The following ARPIN variants were observed in gnomAD, a reference collection of about 807,000 sequenced individuals.
ARPIN encodes the protein actin related protein 2/3 complex inhibitor, also known as UPF0552 protein C15orf38.
ARPIN carries 23 observed loss-of-function variants against 25.9 expected under a neutral mutation model. The observed-to-expected ratio is 0.89, with a 90% CI of 0.64 to 1.26. The LOEUF (loss-of-function observed/expected upper bound fraction) is 1.26. Among genes scored for constraint, ARPIN ranks in the 50% most tolerant of loss-of-function variants. The pLI is 0.00. For missense variants in ARPIN, 333 were observed against 312.2 expected, an observed-to-expected ratio of 1.07 and a Z score of -0.50; for synonymous variants, 126 against 131.4, an observed-to-expected ratio of 0.96 and a Z score of 0.28.
intron 2 of ARPIN, among the ~76,000 whole-genome samples, chr15:89,910,202 C>T (rs928212310): frequency 1.3e-5 from 2 of 152,056 alleles, no homozygotes; most frequent in African/African-American, 2.4e-5. Context: ...AGACCAAGCT[C>T]AGTTATAGAG....
Position 89,896,875 on chromosome 15 carries a change from A to T in ARPIN, c.*4920T>A, listed in dbSNP as rs181868627. ...CATTTTAAAAATGTTTTCATACCCA[A>T]TTCTCACAAGGGCAGCATAAAAATG... On this transcript the variant is annotated 3_prime_UTR_variant, in exon 6 of 6. Transcript: ENST00000357484. 6.6e-6 allele frequency: 1 copy of T among 152,198 alleles called. No individual in the cohort carries two copies. The highest frequency in any genetic ancestry group is 1.5e-5 in the Non-Finnish European group (1 of 68,042). 9.4% of individuals were successfully genotyped at this position (152,198 alleles called of 1,614,324 possible).
chr15:89,912,893 C>A lies in ARPIN; in HGVS notation c.-58G>T. 1.4e-6 allele frequency: 2 copies of A among 1,462,160 alleles called. No individual in the cohort carries two copies. The highest frequency in any genetic ancestry group is 2.6e-5 in the Admixed American group (1 of 38,338). The allele number at this position is 1,462,160 out of a possible 1,614,324, so 90.6% of individuals were successfully genotyped here. On this transcript the variant is annotated 5_prime_UTR_variant, in exon 1 of 6. Transcript: ENST00000357484. ...CCGGCGCACTGGGCTGGGGGCGCGG[C>A]GCGGGAAGTGCTGCAGGACGCGCGG...
At chr15:89,905,030 T>C (rs1192179730) in intron 3 of ARPIN, among the ~76,000 whole-genome samples, 1 of 151,742 alleles carries the variant, frequency 6.6e-6, no homozygotes, top group Non-Finnish European at 1.5e-5. Flanking sequence ...AACCCTTTTT[T>C]TTTTTTTTTG....
chr15:89,904,054 C>G, intron 3 of ARPIN, 71 bp from the exon 4 acceptor site: 1 of 1,513,758 alleles, frequency 6.6e-7, no homozygotes, highest in Non-Finnish European at 8.9e-7. Flanking sequence ...CTCTCAGGAG[C>G]CAGGTGAGGG....
At chr15:89,909,281 G>A (rs113495195) in intron 2 of ARPIN, among the ~76,000 whole-genome samples, 2,203 of 152,034 alleles carry the variant, frequency 0.014, 66 homozygotes, top group African/African-American at 0.051. Flanking sequence ...AGTTGTTCAA[G>A]GCAGGTGGGT....
Position 89,903,285 on chromosome 15 carries a change from G to A in ARPIN, c.603C>T (p.Ala201=). Residue 201 remains alanine (A), a synonymous_variant, in exon 5 of 6, where the codon GCC becomes GCT. Coordinates refer to ENST00000357484, the MANE Select transcript of ARPIN (RefSeq NM_182616.4). ...CTGCAGCCCCCTTCGAACACTTTTG[G>A]GCCATGATGTTGTCTGTCCAGGATG... is the stretch of plus-strand genomic sequence containing the variant. ...TGASWTDNIM[A]QKCSKGAAAE... The A allele has an allele frequency of 6.2e-7, 1 of 1,614,066 alleles. No homozygotes were observed. The highest frequency in any genetic ancestry group is 8.5e-7 in the Non-Finnish European group (1 of 1,180,018).
At chr15:89,908,470 T>C (rs1897166729) in intron 2 of ARPIN, 58 bp from the exon 3 acceptor site, 21 of 1,598,366 alleles carry the variant, frequency 1.3e-5, no homozygotes, top group Non-Finnish European at 1.7e-5. Flanking sequence ...ACACACACTC[T>C]GGGCTCCGGC....
intron 3 of ARPIN, among the ~76,000 whole-genome samples, chr15:89,905,442 C>G (rs137925531): frequency 1.1e-4 from 16 of 152,138 alleles, no homozygotes; most frequent in African/African-American, 2.7e-4. Context: ...CCCCTTCCCC[C>G]CTCCTGAGGA....
At chr15:89,904,455 A>T (rs1283801610) in intron 3 of ARPIN, among the ~76,000 whole-genome samples, 3 of 152,070 alleles carry the variant, frequency 2.0e-5, no homozygotes, top group Admixed American at 2.0e-4. Context: ...AAGCACCCCA[A>T]CACATTCCAT....
At chr15:89,904,035 C>T (rs765108641) in intron 3 of ARPIN, 52 bp from the exon 4 acceptor site, 23 of 1,551,168 alleles carry the variant, frequency 1.5e-5, no homozygotes, top group Non-Finnish European at 1.9e-5. Flanking sequence ...GCAAGAACTT[C>T]CGGAGGGCCT....
Position 89,912,895 on chromosome 15 carries a change from C to T in ARPIN, c.-60G>A. 1 of 1,460,996 alleles carries T rather than the reference C, an allele frequency of 6.8e-7. No individual in the cohort carries two copies. The highest frequency in any genetic ancestry group is 9.0e-7 in the Non-Finnish European group (1 of 1,113,452). The allele number at this position is 1,460,996 out of a possible 1,614,324, so 90.5% of individuals were successfully genotyped here. On this transcript the variant is annotated 5_prime_UTR_variant, in exon 1 of 6. Coordinates refer to ENST00000357484, the MANE Select transcript of ARPIN (RefSeq NM_182616.4). The stretch of plus-strand genomic sequence containing the variant: ...GGCGCACTGGGCTGGGGGCGCGGCG[C>T]GGGAAGTGCTGCAGGACGCGCGGGG...
rs1207051850 is a variant in ARPIN, at chr15:89,900,859, T to C, written c.*936A>G. 1 of 151,904 alleles carries C rather than the reference T, an allele frequency of 6.6e-6. No individual in the cohort carries two copies. The highest frequency in any genetic ancestry group is 1.5e-5 in the Non-Finnish European group (1 of 67,964). The allele number at this position is 151,904 out of a possible 1,614,324, so 9.4% of individuals were successfully genotyped here. On this transcript the variant is annotated 3_prime_UTR_variant, in exon 6 of 6. Coordinates refer to ENST00000357484, the MANE Select transcript of ARPIN (RefSeq NM_182616.4). ...CCGTTTACACCTGACAATAACCCAG[T>C]AAGGGTGGAGGAATTCCTTTCTGAA...
At chr15:89,911,750 T>C (rs778195434) in intron 1 of ARPIN, among the ~76,000 whole-genome samples, 26 of 152,210 alleles carry the variant, frequency 1.7e-4, no homozygotes, top group Non-Finnish European at 3.4e-4. Context: ...AAATTGTTTA[T>C]TCTATAACTG....
In ARPIN at chr15:89,903,810, G is replaced by A. The variant is rs200982470; in HGVS notation, c.475C>T (p.Arg159Trp). The A allele has an allele frequency of 1.0e-4, 166 of 1,614,146 alleles. No homozygotes were observed. The highest frequency in any genetic ancestry group is 1.2e-4 in the Admixed American group (7 of 60,024). The change falls in exon 4 of 6, where the codon CGG becomes TGG. Residue 159 changes from arginine to tryptophan, a missense_variant. Transcript: ENST00000357484. Reference protein sequence around the residue: ...VMELELGAGVRLKTRGDGPFL... With the variant: ...VMELELGAGVWLKTRGDGPFL... The stretch of plus-strand genomic sequence containing the variant: ...GGACCATCGCCCCGAGTCTTCAGCC[G>A]TACCCCGGCCCCCAGCTCGAGTTCC...
chr15:89,912,913 G>C lies in ARPIN; in HGVS notation c.-78C>G, dbSNP rs923335890. On this transcript the variant is annotated 5_prime_UTR_variant, in exon 1 of 6. Transcript: ENST00000357484. ...CGCGGCGCGGGAAGTGCTGCAGGAC[G>C]CGCGGGGACCCGCGATTCCCAGCCG... 3 of 1,415,142 alleles carry C rather than the reference G, an allele frequency of 2.1e-6. No individual in the cohort carries two copies. In the South Asian group the frequency reaches 4.4e-5, roughly 21 times the overall value. 87.7% of individuals were successfully genotyped at this position (1,415,142 alleles called of 1,614,324 possible). A position where few individuals can be genotyped will look rare whatever the true frequency, so the allele number is the denominator to read the frequency against.
chr15:89,911,227 G>C (rs1260380101), intron 1 of ARPIN, among the ~76,000 whole-genome samples: 1 of 152,210 alleles, frequency 6.6e-6, no homozygotes, highest in East Asian at 1.9e-4. Context: ...CCAAATGTGA[G>C]GGTAGGTATC....
In ARPIN at chr15:89,897,914, C is replaced by T. The variant is rs1032439412; in HGVS notation, c.*3881G>A. On this transcript the variant is annotated 3_prime_UTR_variant, in exon 6 of 6. Transcript: ENST00000357484. The stretch of plus-strand genomic sequence containing the variant: ...AGGAGTTCGAGACCAGCCTAGCCAA[C>T]ATGGTGAAATCGCATCTCTACTAAA... The T allele has an allele frequency of 2.6e-5, 4 of 152,046 alleles. No individual in the cohort carries two copies. The highest frequency in any genetic ancestry group is 2.1e-4 in the South Asian group (1 of 4,822). The allele number at this position is 152,046 out of a possible 1,614,324, so 9.4% of individuals were successfully genotyped here.
chr15:89,903,420 GCAGAAA>G (rs1359885804), intron 4 of ARPIN, 41 bp from the exon 5 acceptor site: 1 of 1,612,170 alleles, frequency 6.2e-7, no homozygotes, highest in Non-Finnish European at 8.5e-7. Context: ...TGTCCCTGTG[GCAGAAA>G]CATAGTGAGG....
rs4932263 is a variant in ARPIN at position 89,896,395 on chromosome 15, T to C, written c.*5400A>G. Reference sequence around the variant, plus strand: ...TGAAATATTATAAATAATTTAGGCATAAAATAATTTTAATATGTGATGTAG... The same window carrying C: ...TGAAATATTATAAATAATTTAGGCACAAAATAATTTTAATATGTGATGTAG... On this transcript the variant is annotated 3_prime_UTR_variant, in exon 6 of 6. Transcript: ENST00000357484. 0.76 allele frequency: 115,857 copies of C among 152,138 alleles called. 44,204 individuals carry two copies. Among genetic ancestry groups the C allele is most frequent in the East Asian group, 0.81 (4,220 of 5,178 alleles). The allele number at this position is 152,138 out of a possible 1,614,324, so 9.4% of individuals were successfully genotyped here.
Sources: gnomAD v4.1 joint callset for allele counts (sites outside exome capture counted in the v4.1 genomes callset) on GRCh38, gnomAD v4.1.1 for gene constraint, MANE v1.5 for transcripts, NCBI Gene and HGNC (gene_info 2026-07-23, HGNC 2026-07-21) for gene names.